LRRTM4: variants seen among roughly 807,000 people sequenced by gnomAD.
LRRTM4 encodes the protein leucine-rich repeat transmembrane neuronal protein 4.
Under a neutral mutation model 47.6 loss-of-function variants are expected in LRRTM4, and 25 were observed. That is an observed-to-expected ratio of 0.53 (90% CI 0.38 to 0.73). The LOEUF (loss-of-function observed/expected upper bound fraction) is 0.73. Ranked by LOEUF, LRRTM4 falls within the 30% of genes least tolerant of loss-of-function variation. LRRTM4 has a pLI of 0.00. For synonymous variants in LRRTM4, 311 were observed against 269.5 expected, an observed-to-expected ratio of 1.15 and a Z score of -1.51; for missense variants, 638 against 713.4, an observed-to-expected ratio of 0.89 and a Z score of 1.20.
rs199903816 is a variant in LRRTM4 at position 76,816,946 on chromosome 2, GAGT to G, written c.1552-68033_1552-68031del. On this transcript the variant is annotated intron_variant, in intron 3 of 3. Transcript: ENST00000409884. ...CATGTTTGCGGGAAGTGTACATGCA[GAGT>G]ATTGCAGTCTATAGAGTCAAAGATA... 5.5e-3 allele frequency among the ~76,000 whole-genome samples: 824 copies of G among 149,250 alleles called. 8 individuals are homozygous for G. The highest frequency in any genetic ancestry group is 0.019 in the African/African-American group (787 of 40,786).
intron 3 of LRRTM4, among the ~76,000 whole-genome samples, chr2:76,973,760 A>G (rs1676301702): frequency 6.6e-6 from 1 of 151,964 alleles, no homozygotes; most frequent in African/African-American, 2.4e-5. Flanking sequence ...GAAATATAGA[A>G]GTCTGGATAG....
intron 3 of LRRTM4, among the ~76,000 whole-genome samples, chr2:77,091,683 G>A (rs1670646907): frequency 6.7e-6 from 1 of 149,312 alleles, no homozygotes; most frequent in South Asian, 2.2e-4. Context: ...CTTTCACTTG[G>A]ACTGACCCTG....
rs147914541 is a variant in LRRTM4, at chr2:77,392,227, C to T, written c.1551+126091G>A. Among the ~76,000 whole-genome samples, 568 of 152,144 alleles carry T rather than the reference C, an allele frequency of 3.7e-3. 4 individuals are homozygous for T. Among genetic ancestry groups the T allele is most frequent in the African/African-American group, 0.013 (553 of 41,552 alleles). On this transcript the variant is annotated intron_variant, in intron 3 of 3. Coordinates refer to ENST00000409884, the MANE Select transcript of LRRTM4 (RefSeq NM_001134745.3). ...TCAACTCTTCAGGTGGAGCTTATTC[C>T]TTTCAACCAATTGCCAATAAGAAAA...
At position 77,516,622 on chromosome 2, in the gene LRRTM4, A is replaced by G. The variant is rs1344287360; in HGVS notation, c.1551+1696T>C. 4.1e-6 allele frequency: 4 copies of G among 982,896 alleles called. No homozygotes were observed. In the African/African-American group the frequency reaches 5.2e-5, roughly 13 times the overall value. 60.9% of individuals were successfully genotyped at this position (982,896 alleles called of 1,614,324 possible). A position where few individuals can be genotyped will look rare whatever the true frequency, so the allele number is the denominator to read the frequency against. Reference sequence around the variant, plus strand: ...TGTTACTAATACTCAAGTATATTGTATAATTGTGGGCCTGCAATAAAAACA... The same window carrying G: ...TGTTACTAATACTCAAGTATATTGTGTAATTGTGGGCCTGCAATAAAAACA... On this transcript the variant is annotated intron_variant, in intron 3 of 3. Transcript: ENST00000409884.
At chr2:77,119,829 T>A (rs1486523625) in intron 3 of LRRTM4, among the ~76,000 whole-genome samples, 1 of 151,876 alleles carries the variant, frequency 6.6e-6, no homozygotes, top group African/African-American at 2.4e-5. Flanking sequence ...TCGTTTCTAC[T>A]CTTTAGATCT....
At chr2:77,137,810 G>A (rs573002631) in intron 3 of LRRTM4, among the ~76,000 whole-genome samples, 4 of 152,150 alleles carry the variant, frequency 2.6e-5, no homozygotes, top group African/African-American at 4.8e-5. Flanking sequence ...ACAAAAAAAG[G>A]CAGGATTTGC....
chr2:77,476,878 G>A (rs1573466069), intron 3 of LRRTM4, among the ~76,000 whole-genome samples: 1 of 151,760 alleles, frequency 6.6e-6, no homozygotes, highest in Middle Eastern at 3.4e-3. Context: ...TTTTCCTCAA[G>A]TACATTATTA....
chr2:76,778,665 G>A (rs1157997628), intron 3 of LRRTM4, among the ~76,000 whole-genome samples: 2 of 151,312 alleles, frequency 1.3e-5, no homozygotes, highest in South Asian at 2.1e-4. Flanking sequence ...TTCTTTATTA[G>A]TCTTGCTAGC....
intron 3 of LRRTM4, among the ~76,000 whole-genome samples, chr2:77,213,555 A>G (rs1430944542): frequency 1.3e-5 from 2 of 152,200 alleles, no homozygotes; most frequent in African/African-American, 2.4e-5. Flanking sequence ...GTTAGCTACC[A>G]TCATTATACT....
At chr2:77,012,562 C>T (rs1677913925) in intron 3 of LRRTM4, among the ~76,000 whole-genome samples, 1 of 152,166 alleles carries the variant, frequency 6.6e-6, no homozygotes, top group Admixed American at 6.5e-5. Context: ...GTGCTGATCT[C>T]ATTGCACGTT....
chr2:77,250,713 T>C (rs1463747232), intron 3 of LRRTM4, among the ~76,000 whole-genome samples: 1 of 152,180 alleles, frequency 6.6e-6, no homozygotes, highest in Non-Finnish European at 1.5e-5. Context: ...TCTCTTTCTC[T>C]CCAATATTCC....
intron 3 of LRRTM4, among the ~76,000 whole-genome samples, chr2:76,910,974 T>A (rs540048987): frequency 6.6e-6 from 1 of 152,336 alleles, no homozygotes; most frequent in African/African-American, 2.4e-5. Flanking sequence ...ACTCAGAAGA[T>A]GTGGATTGCT....
chr2:77,213,529 G>A (rs952823516), intron 3 of LRRTM4, among the ~76,000 whole-genome samples: 2 of 152,060 alleles, frequency 1.3e-5, no homozygotes, highest in Non-Finnish European at 2.9e-5. Context: ...CTGGTACACA[G>A]TACACTTTCA....
chr2:77,344,823 A>G (rs1378790542), intron 3 of LRRTM4, among the ~76,000 whole-genome samples: 1 of 151,766 alleles, frequency 6.6e-6, no homozygotes. Flanking sequence ...TCTCTCTGCG[A>G]CCCACAGAGA....
chr2:77,013,945 G>A (rs1207612725), intron 3 of LRRTM4, among the ~76,000 whole-genome samples: 1 of 152,184 alleles, frequency 6.6e-6, no homozygotes, highest in Non-Finnish European at 1.5e-5. Flanking sequence ...CCATATTTAA[G>A]GGAGTTTGAC....
At chr2:77,003,786 T>C (rs1677528097) in intron 3 of LRRTM4, among the ~76,000 whole-genome samples, 3 of 151,294 alleles carry the variant, frequency 2.0e-5, no homozygotes, top group Admixed American at 2.0e-4. Context: ...CAGGCAGAGG[T>C]TGCAACAGAT....
intron 3 of LRRTM4, among the ~76,000 whole-genome samples, chr2:77,329,425 A>C (rs538585651): frequency 6.6e-6 from 1 of 152,318 alleles, no homozygotes; most frequent in South Asian, 2.1e-4. Flanking sequence ...ACTACCATGA[A>C]CACGTTGGAA....
At chr2:77,288,024 C>T (rs535716536) in intron 3 of LRRTM4, among the ~76,000 whole-genome samples, 4 of 152,032 alleles carry the variant, frequency 2.6e-5, no homozygotes, top group Admixed American at 2.6e-4. Context: ...AAAAGGCAGC[C>T]AGCCATAACA....
intron 3 of LRRTM4, among the ~76,000 whole-genome samples, chr2:77,202,064 T>A (rs1381784548): frequency 1.3e-5 from 2 of 152,134 alleles, no homozygotes; most frequent in Admixed American, 6.6e-5. Context: ...CTCTCTGAAT[T>A]GGCTTGGCAA....
Sources: allele counts gnomAD v4.1 joint callset (sites outside exome capture counted in the v4.1 genomes callset), GRCh38; gene constraint gnomAD v4.1.1; transcripts MANE v1.5; gene names NCBI Gene and HGNC (gene_info 2026-07-23, HGNC 2026-07-21).